CARMIL1: variants seen among roughly 807,000 people sequenced by gnomAD.
The protein encoded by CARMIL1 is capping protein regulator and myosin 1 linker 1.
CARMIL1 carries 90 observed loss-of-function variants against 177.1 expected under a neutral mutation model. The observed-to-expected ratio is 0.51, with a 90% confidence interval of 0.43 to 0.61. The LOEUF is 0.61. CARMIL1 is among the 20% of genes least tolerant of loss of function. CARMIL1 has a pLI of 0.00. For missense variants in CARMIL1, 1,380 were observed against 1,667.0 expected (o/e 0.83, Z 3.00); for synonymous variants, 577 against 606.2 (o/e 0.95, Z 0.71).
chr6:25,353,562 C>G, intron 2 of CARMIL1, among the ~76,000 whole-genome samples: 1 of 152,218 alleles, frequency 6.6e-6, no homozygotes, highest in East Asian at 1.9e-4. Context: ...CCCCATTGCT[C>G]TGAGCCAGCT....
intron 2 of CARMIL1, among the ~76,000 whole-genome samples, chr6:25,325,211 TTTTCTATA>T (rs1784974093): frequency 6.6e-6 from 1 of 152,066 alleles, no homozygotes; most frequent in African/African-American, 2.4e-5. Context: ...CTGAGATGAG[TTTTCTATA>T]TTCGTGTGGT....
At chr6:25,507,107 G>A (rs1804987846) in intron 17 of CARMIL1, among the ~76,000 whole-genome samples, 1 of 152,164 alleles carries the variant, frequency 6.6e-6, no homozygotes, top group Non-Finnish European at 1.5e-5. Flanking sequence ...ATGCTGGTGT[G>A]TGGGATCCAA....
At chr6:25,418,150 A>G (rs1041245336) in intron 2 of CARMIL1, among the ~76,000 whole-genome samples, 25 of 152,170 alleles carry the variant, frequency 1.6e-4, no homozygotes, top group African/African-American at 5.8e-4. Context: ...TCTGATTCCA[A>G]AATTCAAGCT....
chr6:25,338,077 C>T lies in CARMIL1; in HGVS notation c.138+53168C>T, dbSNP rs367768735. Among the ~76,000 whole-genome samples, 27 of 151,858 alleles carry T rather than the reference C, an allele frequency of 1.8e-4. No homozygotes were observed. In the East Asian group the frequency reaches 4.9e-3, roughly 27 times the overall value. On this transcript the variant is annotated intron_variant, in intron 2 of 36. Transcript: ENST00000329474. ...TTCAAGACCAGCCTGGCCAACATGG[C>T]GAAACCCCGTCTCTACCGAAAATAC...
intron 2 of CARMIL1, among the ~76,000 whole-genome samples, chr6:25,351,687 A>T (rs753077815): frequency 6.6e-6 from 1 of 152,202 alleles, no homozygotes; most frequent in African/African-American, 2.4e-5. Context: ...AACAGTTGCT[A>T]CTTGGAATTC....
chr6:25,379,786 C>G (rs1454599598), intron 2 of CARMIL1, among the ~76,000 whole-genome samples: 1 of 152,144 alleles, frequency 6.6e-6, no homozygotes, highest in Non-Finnish European at 1.5e-5. Flanking sequence ...GTTAAGTAAA[C>G]CAAAAGGCTC....
At chr6:25,519,763 C>G (rs1806359585) in intron 22 of CARMIL1, among the ~76,000 whole-genome samples, 1 of 152,212 alleles carries the variant, frequency 6.6e-6, no homozygotes, top group African/African-American at 2.4e-5. Context: ...ATGCTAATGG[C>G]TTGCTTTGCA....
intron 2 of CARMIL1, among the ~76,000 whole-genome samples, chr6:25,376,389 A>AT (rs892841760): frequency 6.6e-6 from 1 of 152,040 alleles, no homozygotes; most frequent in African/African-American, 2.4e-5. Context: ...TGCCAGAATT[A>AT]TTTTTCTAGT....
intron 4 of CARMIL1, among the ~76,000 whole-genome samples, chr6:25,434,290 G>A (rs1028885): frequency 0.81 from 123,837 of 152,116 alleles, 50,609 homozygotes; most frequent in Admixed American, 0.87. Flanking sequence ...TACATCTTCA[G>A]CTTCTTGCCC....
chr6:25,569,416 A>T (rs1453075571), intron 29 of CARMIL1, among the ~76,000 whole-genome samples: 1 of 152,204 alleles, frequency 6.6e-6, no homozygotes, highest in Non-Finnish European at 1.5e-5. Context: ...TTGGGGAACC[A>T]CTTGCTCTGT....
intron 11 of CARMIL1, among the ~76,000 whole-genome samples, chr6:25,473,322 C>A (rs530237995): frequency 1.3e-5 from 2 of 152,260 alleles, no homozygotes; most frequent in Admixed American, 1.3e-4. Flanking sequence ...GGGGCACTGA[C>A]CCCAAGCAAC....
At position 25,338,273 on chromosome 6, in the gene CARMIL1, A is replaced by G. The variant is rs1686033007; in HGVS notation, c.138+53364A>G. On this transcript the variant is annotated intron_variant, in intron 2 of 36. Transcript: ENST00000329474. ...CTCTGTCTCAAAAAAAAAAAAATAA[A>G]ATAAAAGGTGGTAGTATAAAAAAAG... Among the ~76,000 whole-genome samples the G allele has an allele frequency of 2.6e-5, 4 of 152,236 alleles. No individual in the cohort carries two copies. The South Asian group carries it at 6.2e-4, about 24-fold the overall frequency.
At chr6:25,388,229 G>T (rs1792378094) in intron 2 of CARMIL1, 1 of 152,210 alleles carries the variant, frequency 6.6e-6, no homozygotes, top group South Asian at 2.1e-4. Context: ...AAAGGCTGGA[G>T]AGTATTGAAA....
Position 25,465,911 on chromosome 6 carries a change from A to G in CARMIL1, c.653A>G (p.Gln218Arg). 1 of 1,612,834 alleles carries G rather than the reference A, an allele frequency of 6.2e-7. No homozygotes were observed. The highest frequency in any genetic ancestry group is 8.5e-7 in the Non-Finnish European group (1 of 1,178,894). Residue 218 changes from glutamine (Q) to arginine (R), a missense_variant, in exon 9 of 37, where the codon CAG (glutamine) becomes CGG (arginine). Physicochemically the swap from Gln to Arg is conservative, Grantham distance 43. Coordinates refer to ENST00000329474, the MANE Select transcript of CARMIL1 (RefSeq NM_017640.6). ...ATCATTGCTGCTCTGGAATATAATC[A>G]GTGGTTCACAAAACTGTCCTCTAAG... ...IPIIAALEYN[Q>R]WFTKLSSKDL... is the part of the protein sequence containing the mutation.
At chr6:25,426,429 T>TC in intron 3 of CARMIL1, 72 bp from the exon 4 acceptor site, 3 of 1,006,692 alleles carry the variant, frequency 3.0e-6, no homozygotes, top group Non-Finnish European at 4.3e-6. Context: ...TTTTTTTTTT[T>TC]ACCTTAAGTT....
At chr6:25,494,895 T>C (rs1803552117) in intron 15 of CARMIL1, among the ~76,000 whole-genome samples, 1 of 152,242 alleles carries the variant, frequency 6.6e-6, no homozygotes, top group African/African-American at 2.4e-5. Flanking sequence ...TAGCAATGAA[T>C]TGTTTTATGG....
chr6:25,397,255 G>C (rs550422054), intron 2 of CARMIL1, among the ~76,000 whole-genome samples: 1 of 152,276 alleles, frequency 6.6e-6, no homozygotes, highest in East Asian at 1.9e-4. Context: ...CTCCACAAAA[G>C]CAAGTCCTTC....
chr6:25,395,877 G>T (rs1793335790), intron 2 of CARMIL1, among the ~76,000 whole-genome samples: 1 of 152,228 alleles, frequency 6.6e-6, no homozygotes, highest in Non-Finnish European at 1.5e-5. Flanking sequence ...TCATGCTGTT[G>T]TGTGTTGACT....
At chr6:25,438,852 C>CTTT (rs35250854) in intron 5 of CARMIL1, among the ~76,000 whole-genome samples, 1 of 144,520 alleles carries the variant, frequency 6.9e-6, no homozygotes, top group Non-Finnish European at 1.5e-5. Context: ...TTATGAAAAT[C>CTTT]TTTTTTTTTT....
Sources: gnomAD v4.1 joint callset for allele counts (sites outside exome capture counted in the v4.1 genomes callset) on GRCh38, gnomAD v4.1.1 for gene constraint, MANE v1.5 for transcripts, NCBI Gene and HGNC (gene_info 2026-07-23, HGNC 2026-07-21) for gene names.